GLG1: variants seen among roughly 807,000 people sequenced by gnomAD.
GLG1 encodes the protein Golgi apparatus protein 1.
Under a neutral mutation model 160.5 loss-of-function variants are expected in GLG1, and 38 were observed. The observed-to-expected ratio is 0.24, with a 90% CI of 0.18 to 0.31. The LOEUF (loss-of-function observed/expected upper bound fraction) is 0.31. Among genes scored for constraint, GLG1 ranks in the 10% least tolerant of loss-of-function variants. The pLI, the probability that GLG1 is intolerant of heterozygous loss-of-function variation, is 1.00. For missense variants in GLG1, 1,373 were observed against 1,505.2 expected (o/e 0.91, Z 1.45); for synonymous variants, 644 against 543.4 (o/e 1.19, Z -2.57).
At chr16:74,594,953 C>G (rs1958265389) in intron 1 of GLG1, among the ~76,000 whole-genome samples, 2 of 152,112 alleles carry the variant, frequency 1.3e-5, no homozygotes, top group South Asian at 4.1e-4. Flanking sequence ...CTTTGGGAGG[C>G]AGAGGTGGGC....
intron 1 of GLG1, among the ~76,000 whole-genome samples, chr16:74,574,332 T>G (rs1283333159): frequency 6.6e-6 from 1 of 152,206 alleles, no homozygotes; most frequent in African/African-American, 2.4e-5. Context: ...CTACGGTATA[T>G]TCAGCAAAAT....
intron 1 of GLG1, among the ~76,000 whole-genome samples, chr16:74,559,061 T>A (rs1020460398): frequency 1.3e-5 from 2 of 152,014 alleles, no homozygotes; most frequent in African/African-American, 2.4e-5. Flanking sequence ...ATTTTTTAGA[T>A]TTTTTTGCTA....
At chr16:74,487,792 G>T (rs1163473520) in intron 8 of GLG1, among the ~76,000 whole-genome samples, 1 of 152,154 alleles carries the variant, frequency 6.6e-6, no homozygotes, top group Admixed American at 6.5e-5. Context: ...ATTTACAGGC[G>T]AAAATGAATG....
chr16:74,561,229 C>A (rs1275137903), intron 1 of GLG1, among the ~76,000 whole-genome samples: 1 of 152,190 alleles, frequency 6.6e-6, no homozygotes, highest in Non-Finnish European at 1.5e-5. Flanking sequence ...TCCCTGCCCC[C>A]AATATTGGCA....
intron 1 of GLG1, among the ~76,000 whole-genome samples, chr16:74,571,810 A>G (rs576787048): frequency 6.6e-6 from 1 of 152,274 alleles, no homozygotes; most frequent in African/African-American, 2.4e-5. Flanking sequence ...ACCCTGTCTC[A>G]AAAAATAAAA....
intron 9 of GLG1, 139 bp downstream of exon 9, chr16:74,485,657 A>C (rs1475856633): frequency 3.8e-5 from 27 of 706,868 alleles, no homozygotes; most frequent in African/African-American, 7.1e-5. Context: ...AGTTTTAATA[A>C]AAGTTGGTGT....
At chr16:74,481,625 T>C (rs765125634) in intron 10 of GLG1, among the ~76,000 whole-genome samples, 6 of 152,182 alleles carry the variant, frequency 3.9e-5, no homozygotes, top group African/African-American at 7.2e-5. Flanking sequence ...TCTGAAGGAA[T>C]AGAAATAAGA....
intron 1 of GLG1, among the ~76,000 whole-genome samples, chr16:74,554,575 T>C (rs2018301596): frequency 6.6e-6 from 1 of 152,174 alleles, no homozygotes; most frequent in Non-Finnish European, 1.5e-5. Context: ...AGCACTTTTC[T>C]CAATATATTC....
rs1241644782 is a variant in GLG1, at chr16:74,540,068, ATAT to A, written c.439-7918_439-7916del. 1.6e-3 allele frequency among the ~76,000 whole-genome samples: 2 copies of A among 1,280 alleles called. 1 individual carries two copies. The highest frequency in any genetic ancestry group is 3.0e-3 in the African/African-American group (2 of 656). 0.8% of individuals were successfully genotyped at this position (1,280 alleles called of 152,430 possible). The stretch of plus-strand genomic sequence containing the variant: ...TATATTATATATATTTTATATATAT[ATAT>A]TATATATATTTTATATATATATTAT... On this transcript the variant is annotated intron_variant, in intron 1 of 25. Transcript: ENST00000422840.
At position 74,565,171 on chromosome 16, in the gene GLG1, A is replaced by G. The variant is rs185637015; in HGVS notation, c.439-33018T>C. The stretch of plus-strand genomic sequence containing the variant: ...ATGGTGAAATCTGTCTCTACTAAAA[A>G]TATAAAAATTAGACAGGTGCAGTAG... On this transcript the variant is annotated intron_variant, in intron 1 of 25. Coordinates refer to ENST00000422840, the MANE Select transcript of GLG1 (RefSeq NM_001145667.2). Among the ~76,000 whole-genome samples the G allele has an allele frequency of 2.8e-4, 42 of 152,214 alleles. No individual in the cohort carries two copies. The East Asian group carries it at 8.1e-3, about 29-fold the overall frequency.
intron 11 of GLG1, 39 bp downstream of exon 11, chr16:74,480,202 T>C (rs1567470468): frequency 6.6e-7 from 1 of 1,518,790 alleles, no homozygotes; most frequent in Admixed American, 1.7e-5. Context: ...AAAAAACAAA[T>C]GACAAGAAGA....
At chr16:74,477,977 A>AAAACAAACAAACAAAT (rs55773213) in intron 11 of GLG1, among the ~76,000 whole-genome samples, 33 of 140,148 alleles carry the variant, frequency 2.4e-4, no homozygotes, top group South Asian at 2.8e-4. Context: ...CCGTCTCAAA[A>AAAACAAACAAACAAAT]AAATAAATAA....
chr16:74,511,262 C>G (rs535395333), intron 2 of GLG1, among the ~76,000 whole-genome samples: 1 of 152,180 alleles, frequency 6.6e-6, no homozygotes, highest in East Asian at 1.9e-4. Flanking sequence ...TGAGGAAGAT[C>G]TGAAGAAAAC....
intron 1 of GLG1, among the ~76,000 whole-genome samples, chr16:74,567,211 CAGAG>C (rs199518297): frequency 8.8e-5 from 13 of 147,294 alleles, no homozygotes; most frequent in Non-Finnish European, 1.5e-4. Flanking sequence ...GAGAGAGAGA[CAGAG>C]AGAGAGAGAG....
chr16:74,593,969 C>T (rs752551540), intron 1 of GLG1, among the ~76,000 whole-genome samples: 3 of 151,908 alleles, frequency 2.0e-5, no homozygotes, highest in Non-Finnish European at 2.9e-5. Flanking sequence ...TGCAATGGCA[C>T]GATCTTGGCT....
chr16:74,480,562 T>G (rs908321149), intron 10 of GLG1, among the ~76,000 whole-genome samples, 168 bp from the exon 11 acceptor site: 10 of 150,174 alleles, frequency 6.7e-5, no homozygotes, highest in African/African-American at 1.9e-4. Flanking sequence ...GTTCTTTTGT[T>G]TTTTTTTTTT....
At chr16:74,581,894 G>A (rs532656834) in intron 1 of GLG1, among the ~76,000 whole-genome samples, 8 of 152,126 alleles carry the variant, frequency 5.3e-5, no homozygotes, top group East Asian at 3.9e-4. Flanking sequence ...CCCAGGCGAC[G>A]GTGAGACTCC....
Position 74,472,561 on chromosome 16 carries a change from C to T in GLG1, c.2053-150G>A, listed in dbSNP as rs557003855. On this transcript the variant is annotated intron_variant, in intron 13 of 25. Coordinates refer to ENST00000422840, the MANE Select transcript of GLG1 (RefSeq NM_001145667.2). ...GATTCTAGTATTTGAAGTAGATAGC[C>T]CCAGAATAAATATAGAACTGCTCCT... The T allele has an allele frequency of 4.0e-4, 597 of 1,487,936 alleles. 2 individuals are homozygous for T. The highest frequency in any genetic ancestry group is 2.4e-3 in the South Asian group (199 of 81,914). The allele number at this position is 1,487,936 out of a possible 1,614,324, so 92.2% of individuals were successfully genotyped here. A position where few individuals can be genotyped will look rare whatever the true frequency, so the allele number is the denominator to read the frequency against.
intron 1 of GLG1, among the ~76,000 whole-genome samples, chr16:74,597,584 T>G (rs544523885): frequency 6.6e-6 from 1 of 152,222 alleles, no homozygotes; most frequent in South Asian, 2.1e-4. Context: ...CCGGGCGCAG[T>G]GGCTCACGCC....
Sources: gnomAD v4.1 joint callset for allele counts (sites outside exome capture counted in the v4.1 genomes callset) on GRCh38, gnomAD v4.1.1 for gene constraint, MANE v1.5 for transcripts, NCBI Gene and HGNC (gene_info 2026-07-23, HGNC 2026-07-21) for gene names.